CCSER1: variants seen among roughly 807,000 people sequenced by gnomAD.
CCSER1 encodes coiled-coil serine rich protein 1, also known as serine-rich coiled-coil domain-containing protein 1.
In CCSER1, 41 loss-of-function variants were observed where a neutral mutation model predicts 82.0. That is an observed-to-expected ratio of 0.50 (90% confidence interval 0.39 to 0.65). The LOEUF (loss-of-function observed/expected upper bound fraction) is 0.65, where lower values mean the gene tolerates loss of function less well. Ranked by LOEUF, CCSER1 falls within the 30% of genes least tolerant of loss-of-function variation. The probability of loss-of-function intolerance (pLI) is 0.00; values close to 1 mark genes in which losing one functional copy is unlikely to be tolerated. For synonymous variants in CCSER1, 414 were observed against 383.9 expected, an observed-to-expected ratio of 1.08 and a Z score of -0.92; for missense variants, 1,119 against 1,064.2, an observed-to-expected ratio of 1.05 and a Z score of -0.72.
At chr4:91,009,271 G>A (rs1217036677) in intron 9 of CCSER1, among the ~76,000 whole-genome samples, 1 of 152,220 alleles carries the variant, frequency 6.6e-6, no homozygotes, top group Non-Finnish European at 1.5e-5. Flanking sequence ...AAAGAGGGTA[G>A]CCGTTGCTGG....
At chr4:90,837,717 A>G (rs72879432) in intron 8 of CCSER1, among the ~76,000 whole-genome samples, 3,791 of 152,270 alleles carry the variant, frequency 0.025, 131 homozygotes, top group African/African-American at 0.079. Context: ...TCATACTTGT[A>G]TGTACTAAAA....
At chr4:91,209,852 T>C (rs1329620417) in intron 10 of CCSER1, among the ~76,000 whole-genome samples, 1 of 151,792 alleles carries the variant, frequency 6.6e-6, no homozygotes, top group Non-Finnish European at 1.5e-5. Context: ...TAGATGTGTA[T>C]GTGTACAAAT....
intron 10 of CCSER1, among the ~76,000 whole-genome samples, chr4:91,365,045 A>T (rs900782357): frequency 6.6e-6 from 1 of 152,190 alleles, no homozygotes; most frequent in Non-Finnish European, 1.5e-5. Context: ...AAAAGTATTA[A>T]ATAGTGCACA....
At chr4:91,117,254 T>A (rs999385241) in intron 10 of CCSER1, among the ~76,000 whole-genome samples, 1 of 152,208 alleles carries the variant, frequency 6.6e-6, no homozygotes, top group Admixed American at 6.5e-5. Flanking sequence ...AATTGCAGAT[T>A]ATGAATATGA....
intron 5 of CCSER1, among the ~76,000 whole-genome samples, chr4:90,590,012 G>T (rs939353821): frequency 7.2e-5 from 11 of 152,150 alleles, no homozygotes; most frequent in African/African-American, 2.2e-4. Flanking sequence ...AATGGCTCAT[G>T]CCTGTAATCC....
intron 1 of CCSER1, among the ~76,000 whole-genome samples, chr4:90,307,138 A>G (rs1390356761): frequency 2.6e-5 from 4 of 152,128 alleles, no homozygotes; most frequent in African/African-American, 9.7e-5. Flanking sequence ...TATTTCTAGA[A>G]ATATAAGGTG....
intron 10 of CCSER1, among the ~76,000 whole-genome samples, chr4:91,089,738 A>G (rs778075239): frequency 6.6e-6 from 1 of 152,170 alleles, no homozygotes; most frequent in Admixed American, 6.5e-5. Flanking sequence ...AAATCCTCCT[A>G]TTGCTGGGAA....
chr4:90,152,287 C>T (rs568896142), intron 1 of CCSER1, among the ~76,000 whole-genome samples: 26 of 152,228 alleles, frequency 1.7e-4, no homozygotes, highest in African/African-American at 5.1e-4. Flanking sequence ...GACACTGACC[C>T]AGTATTTCAA....
In CCSER1 at chr4:90,217,055, A is replaced by G. The variant is rs1012402115; in HGVS notation, c.-42+89224A>G. On this transcript the variant is annotated intron_variant, in intron 1 of 10. Transcript: ENST00000509176. ...ATTTTTTTGTGTGTTGCTGTTGTAAATGAGATTACATTCTTGATTTGACTT... is the reference window on the plus strand; with the variant it reads ...ATTTTTTTGTGTGTTGCTGTTGTAAGTGAGATTACATTCTTGATTTGACTT... 2.6e-5 allele frequency among the ~76,000 whole-genome samples: 4 copies of G among 152,150 alleles called. 1 individual carries two copies. In the East Asian group the frequency reaches 7.7e-4, roughly 29 times the overall value.
At chr4:91,496,382 T>C (rs1447726658) in intron 10 of CCSER1, among the ~76,000 whole-genome samples, 2 of 150,406 alleles carry the variant, frequency 1.3e-5, no homozygotes, top group Admixed American at 6.7e-5. Context: ...TGCTATATTA[T>C]AACAGTTACT....
At chr4:90,435,684 G>A (rs181853517) in intron 4 of CCSER1, among the ~76,000 whole-genome samples, 2 of 152,114 alleles carry the variant, frequency 1.3e-5, no homozygotes, top group Non-Finnish European at 2.9e-5. Context: ...GCTGATTTAT[G>A]TATACCATTA....
intron 10 of CCSER1, among the ~76,000 whole-genome samples, chr4:91,542,133 T>C (rs2110198919): frequency 6.6e-6 from 1 of 152,334 alleles, no homozygotes; most frequent in Middle Eastern, 3.4e-3. Flanking sequence ...TATGAGCCCT[T>C]TGCCAGATGG....
intron 6 of CCSER1, among the ~76,000 whole-genome samples, chr4:90,657,566 TG>T (rs1729932087): frequency 6.6e-6 from 1 of 152,034 alleles, no homozygotes; most frequent in South Asian, 2.1e-4. Flanking sequence ...GTATTTTTGT[TG>T]TTTTTTGTTT....
chr4:90,653,057 T>G (rs1016800576), intron 6 of CCSER1, among the ~76,000 whole-genome samples: 1 of 113,048 alleles, frequency 8.8e-6, no homozygotes, highest in Non-Finnish European at 2.0e-5. Flanking sequence ...TCAAGTCGTT[T>G]AACTGCCATC....
chr4:91,230,084 A>G (rs1354689576), intron 10 of CCSER1, among the ~76,000 whole-genome samples: 6 of 152,174 alleles, frequency 3.9e-5, no homozygotes, highest in Admixed American at 3.9e-4. Flanking sequence ...TTAAAAATTC[A>G]AGGAATTATT....
intron 9 of CCSER1, among the ~76,000 whole-genome samples, chr4:91,003,263 T>C (rs908068072): frequency 6.6e-6 from 1 of 151,884 alleles, no homozygotes; most frequent in Non-Finnish European, 1.5e-5. Flanking sequence ...GAGGAAGAAG[T>C]GGTGGGCAAG....
chr4:90,928,197 C>T (rs1729295058), intron 9 of CCSER1, among the ~76,000 whole-genome samples: 1 of 151,888 alleles, frequency 6.6e-6, no homozygotes. Flanking sequence ...GTTATATATT[C>T]CAGGTTTGCT....
rs372253930 is a variant in CCSER1 at position 90,168,999 on chromosome 4, T to G, written c.-42+41168T>G. Reference sequence around the variant, plus strand: ...CATATGAACTTTAAAGTAGTTTTTTTGAATTCTGTGAAGAAAGTCATTGGT... The same window carrying G: ...CATATGAACTTTAAAGTAGTTTTTTGGAATTCTGTGAAGAAAGTCATTGGT... On this transcript the variant is annotated intron_variant, in intron 1 of 10. Coordinates refer to ENST00000509176, the MANE Select transcript of CCSER1 (RefSeq NM_001145065.2). 3.3e-5 allele frequency among the ~76,000 whole-genome samples: 5 copies of G among 151,928 alleles called. No individual in the cohort carries two copies. In the South Asian group the frequency reaches 8.4e-4, roughly 25 times the overall value.
chr4:90,388,641 AT>A (rs552828050), intron 3 of CCSER1, among the ~76,000 whole-genome samples: 46 of 128,862 alleles, frequency 3.6e-4, no homozygotes, highest in African/African-American at 7.3e-4. Flanking sequence ...TATTATGATA[AT>A]TTTTTTTTTT....
Sources: gnomAD v4.1 joint callset for allele counts (sites outside exome capture counted in the v4.1 genomes callset) on GRCh38, gnomAD v4.1.1 for gene constraint, MANE v1.5 for transcripts, NCBI Gene and HGNC (gene_info 2026-07-23, HGNC 2026-07-21) for gene names.